Variants in GRID1 observed in about 807,000 individuals in gnomAD.
GRID1 encodes glutamate ionotropic receptor delta type subunit 1.
In GRID1, 28 loss-of-function variants were observed where a neutral mutation model predicts 98.0. The ratio of observed to expected loss-of-function variants is 0.29; its 90% CI spans 0.21 to 0.39. The LOEUF (loss-of-function observed/expected upper bound fraction) is 0.39. Ranked by LOEUF, GRID1 falls within the 10% of genes least tolerant of loss-of-function variation. The pLI, the probability that GRID1 is intolerant of heterozygous loss-of-function variation, is 1.00. For missense variants in GRID1, 1,111 were observed against 1,340.5 expected (o/e 0.83, Z 2.67); for synonymous variants, 553 against 538.5 (o/e 1.03, Z -0.37).
At chr10:86,349,414 G>T (rs552307396) in intron 2 of GRID1, among the ~76,000 whole-genome samples, 1 of 152,034 alleles carries the variant, frequency 6.6e-6, no homozygotes, top group Admixed American at 6.5e-5. Flanking sequence ...ACCCTCTCCC[G>T]CCCACACAGG....
At chr10:86,126,093 A>G (rs1844748398) in intron 4 of GRID1, among the ~76,000 whole-genome samples, 1 of 152,160 alleles carries the variant, frequency 6.6e-6, no homozygotes, top group Non-Finnish European at 1.5e-5. Flanking sequence ...GGTCACACCC[A>G]CCAACAAAAG....
intron 2 of GRID1, among the ~76,000 whole-genome samples, chr10:86,255,345 A>G (rs1846900876): frequency 6.6e-6 from 1 of 152,224 alleles, no homozygotes. Context: ...ATAATTCACA[A>G]GACTCTTTGG....
chr10:85,696,080 T>A (rs1841389884), intron 12 of GRID1, among the ~76,000 whole-genome samples: 1 of 152,172 alleles, frequency 6.6e-6, no homozygotes, highest in Non-Finnish European at 1.5e-5. Context: ...CAAGTCTGCC[T>A]TTAGTAATTA....
At chr10:85,884,694 G>A (rs774676334) in intron 5 of GRID1, among the ~76,000 whole-genome samples, 2 of 152,128 alleles carry the variant, frequency 1.3e-5, no homozygotes. Context: ...TCATTAAAGA[G>A]ATCAGCCCTG....
intron 5 of GRID1, among the ~76,000 whole-genome samples, chr10:85,896,448 T>C (rs1841295626): frequency 6.6e-6 from 1 of 152,188 alleles, no homozygotes; most frequent in Non-Finnish European, 1.5e-5. Context: ...TGTCTTTATA[T>C]TGTTGTGATA....
At chr10:86,164,006 G>A (rs777793330) in intron 3 of GRID1, among the ~76,000 whole-genome samples, 28 of 152,124 alleles carry the variant, frequency 1.8e-4, no homozygotes, top group Non-Finnish European at 2.6e-4. Context: ...TGCACCACCC[G>A]GTGCTGCTCA....
At chr10:85,783,158 T>C (rs1455626054) in intron 8 of GRID1, among the ~76,000 whole-genome samples, 3 of 152,204 alleles carry the variant, frequency 2.0e-5, no homozygotes, top group Non-Finnish European at 4.4e-5. Flanking sequence ...TTTGGCATTG[T>C]AATTAGAAAA....
intron 8 of GRID1, among the ~76,000 whole-genome samples, chr10:85,778,920 G>A (rs926770617): frequency 4.6e-5 from 7 of 152,162 alleles, no homozygotes; most frequent in African/African-American, 9.7e-5. Flanking sequence ...TGGGAAGAGT[G>A]TGGAATAAAG....
intron 4 of GRID1, among the ~76,000 whole-genome samples, chr10:86,090,382 C>T (rs1160838511): frequency 6.6e-6 from 1 of 151,790 alleles, no homozygotes; most frequent in African/African-American, 2.4e-5. Flanking sequence ...CACTGCACTC[C>T]AACCTGGGCA....
chr10:86,294,522 G>C (rs945323270), intron 2 of GRID1, among the ~76,000 whole-genome samples: 1 of 152,192 alleles, frequency 6.6e-6, no homozygotes, highest in South Asian at 2.1e-4. Flanking sequence ...AGCTAGAAGG[G>C]TGGGCTCCTG....
At chr10:86,018,241 C>A (rs1843004159) in intron 4 of GRID1, among the ~76,000 whole-genome samples, 1 of 152,234 alleles carries the variant, frequency 6.6e-6, no homozygotes, top group South Asian at 2.1e-4. Context: ...CTGATGAGCT[C>A]CTTCATGCCA....
intron 4 of GRID1, among the ~76,000 whole-genome samples, chr10:86,010,915 G>A (rs61856017): frequency 0.055 from 8,333 of 152,040 alleles, 288 homozygotes; most frequent in Middle Eastern, 0.088. Context: ...AAAATTAGGC[G>A]GCAGATGAAT....
At chr10:86,244,415 T>C (rs890895544) in intron 2 of GRID1, among the ~76,000 whole-genome samples, 3 of 152,248 alleles carry the variant, frequency 2.0e-5, no homozygotes, top group Non-Finnish European at 4.4e-5. Context: ...AAGAGACACG[T>C]GGATCTGATG....
At chr10:86,028,743 T>C (rs190744937) in intron 4 of GRID1, among the ~76,000 whole-genome samples, 65 of 152,216 alleles carry the variant, frequency 4.3e-4, no homozygotes, top group Middle Eastern at 3.4e-3. Context: ...GGAGGGACTC[T>C]GGGAAAGGGC....
At chr10:86,033,675 G>T (rs1253441676) in intron 4 of GRID1, among the ~76,000 whole-genome samples, 1 of 152,174 alleles carries the variant, frequency 6.6e-6, no homozygotes, top group Non-Finnish European at 1.5e-5. Context: ...CCTCTCAGTT[G>T]GCCACTGGGC....
intron 12 of GRID1, among the ~76,000 whole-genome samples, chr10:85,712,089 G>A (rs1841587695): frequency 1.3e-5 from 2 of 151,600 alleles, no homozygotes; most frequent in Admixed American, 1.3e-4. Context: ...GGCAGTAACA[G>A]AAAACATGAG....
chr10:85,602,766 G>T, intron 15 of GRID1, 65 bp from the exon 16 acceptor site: 2 of 1,228,888 alleles, frequency 1.6e-6, no homozygotes, highest in Non-Finnish European at 2.3e-6. Context: ...GCTTGCTACA[G>T]CTCTGGATGT....
At position 86,361,723 on chromosome 10, in the gene GRID1, A is replaced by G. The variant is rs563171924; in HGVS notation, c.235+2218T>C. Among the ~76,000 whole-genome samples, 7 of 152,334 alleles carry G rather than the reference A, an allele frequency of 4.6e-5. No homozygotes were observed. In the South Asian group the frequency reaches 1.5e-3, roughly 32 times the overall value. ...TAGTTGGCAATAGCTTTAAATCAAA[A>G]TTTACATTAAGGTCCAGATTTGGGG... On this transcript the variant is annotated intron_variant, in intron 2 of 15. Transcript: ENST00000327946.
intron 8 of GRID1, among the ~76,000 whole-genome samples, chr10:85,756,282 T>C (rs1372543822): frequency 1.3e-5 from 2 of 152,234 alleles, no homozygotes; most frequent in African/African-American, 2.4e-5. Context: ...GGATAGAAGA[T>C]TCGTTCTCGC....
Sources: allele counts gnomAD v4.1 joint callset (sites outside exome capture counted in the v4.1 genomes callset), GRCh38; gene constraint gnomAD v4.1.1; transcripts MANE v1.5; gene names NCBI Gene and HGNC (gene_info 2026-07-23, HGNC 2026-07-21).